Variants in TMEM63C observed in about 807,000 individuals in gnomAD.
TMEM63C encodes the protein transmembrane protein 63C.
Under a neutral mutation model 99.2 loss-of-function variants are expected in TMEM63C, and 32 were observed. That is an observed-to-expected ratio of 0.32 (90% CI 0.24 to 0.43). The LOEUF (loss-of-function observed/expected upper bound fraction) is 0.43, where lower values mean the gene tolerates loss of function less well. Among genes scored for constraint, TMEM63C ranks in the 20% least tolerant of loss-of-function variants. The pLI, the probability that TMEM63C is intolerant of heterozygous loss-of-function variation, is 1.00. For synonymous variants in TMEM63C, 376 were observed against 397.9 expected, an observed-to-expected ratio of 0.94 and a Z score of 0.66; for missense variants, 826 against 1,053.0, an observed-to-expected ratio of 0.78 and a Z score of 2.98.
chr14:77,254,775 T>TTA (rs1889432498), intron 23 of TMEM63C, among the ~76,000 whole-genome samples: 2 of 152,148 alleles, frequency 1.3e-5, no homozygotes, highest in Non-Finnish European at 1.5e-5. Context: ...CTTGCCTTAT[T>TTA]ACCACAGGGC....
At chr14:77,222,197 A>G (rs1888735409) in intron 5 of TMEM63C, among the ~76,000 whole-genome samples, 1 of 152,286 alleles carries the variant, frequency 6.6e-6, no homozygotes, top group African/African-American at 2.4e-5. Flanking sequence ...AAAACATTTC[A>G]TGATATCCCA....
At chr14:77,214,203 G>A (rs148689432) in intron 2 of TMEM63C, among the ~76,000 whole-genome samples, 91 of 152,226 alleles carry the variant, frequency 6.0e-4, no homozygotes, top group Middle Eastern at 6.8e-3. Context: ...TCTACAAGAT[G>A]AACACATCCT....
At chr14:77,222,468 C>T (rs76068320) in intron 5 of TMEM63C, among the ~76,000 whole-genome samples, 7,399 of 152,290 alleles carry the variant, frequency 0.049, 277 homozygotes, top group Admixed American at 0.087. Context: ...CCATTTTCCA[C>T]CTGCATCCAG....
chr14:77,199,486 A>G (rs1291891908), intron 1 of TMEM63C, among the ~76,000 whole-genome samples: 1 of 152,058 alleles, frequency 6.6e-6, no homozygotes, highest in Non-Finnish European at 1.5e-5. Context: ...CCATTTCCAG[A>G]ACAGTCCACT....
intron 1 of TMEM63C, among the ~76,000 whole-genome samples, chr14:77,194,525 C>CTT (rs1481725535): frequency 2.2e-4 from 9 of 41,128 alleles, no homozygotes; most frequent in African/African-American, 1.1e-3. Context: ...TTCTTTCTTT[C>CTT]TTTCTTTCTT....
chr14:77,248,968 G>A lies in TMEM63C; in HGVS notation c.1870+96G>A. 3 of 1,220,192 alleles carry A rather than the reference G, an allele frequency of 2.5e-6. No individual in the cohort carries two copies. In the South Asian group the frequency reaches 3.6e-5, roughly 15 times the overall value. The allele number at this position is 1,220,192 out of a possible 1,614,324, so 75.6% of individuals were successfully genotyped here. A position where few individuals can be genotyped will look rare whatever the true frequency, so the allele number is the denominator to read the frequency against. ...CATCAGTCCACCTCCTGGAGCATGG[G>A]GAGACCTGTGGTAGGGAGGGGTCAG... On this transcript the variant is annotated intron_variant, in intron 20 of 23. Coordinates refer to ENST00000298351, the MANE Select transcript of TMEM63C (RefSeq NM_020431.4).
chr14:77,224,897 G>A (rs436430), intron 5 of TMEM63C, among the ~76,000 whole-genome samples: 75,555 of 151,522 alleles, frequency 0.5, 19,312 homozygotes, highest in East Asian at 0.76. Flanking sequence ...CAAACTCCTG[G>A]GCTCAAGTGA....
chr14:77,235,936 G>A (rs1484682698), intron 8 of TMEM63C, among the ~76,000 whole-genome samples: 3 of 6,902 alleles, frequency 4.3e-4, no homozygotes, highest in Admixed American at 3.2e-3. Context: ...ATGGGTGGGG[G>A]AGGTGTCCAG....
At chr14:77,239,550 G>T in intron 11 of TMEM63C, 53 bp from the exon 12 acceptor site, 1 of 1,612,018 alleles carries the variant, frequency 6.2e-7, no homozygotes, top group East Asian at 2.2e-5. Flanking sequence ...GGAGGATGGG[G>T]CTCTGCTGGC....
At chr14:77,187,830 C>T (rs908904949) in intron 1 of TMEM63C, among the ~76,000 whole-genome samples, 1 of 152,232 alleles carries the variant, frequency 6.6e-6, no homozygotes, top group Non-Finnish European at 1.5e-5. Context: ...TTGAACCCAG[C>T]TCTGACCCAG....
At chr14:77,205,761 T>C (rs1566618982) in intron 1 of TMEM63C, among the ~76,000 whole-genome samples, 1 of 152,000 alleles carries the variant, frequency 6.6e-6, no homozygotes, top group Non-Finnish European at 1.5e-5. Context: ...CAAGAGGGCC[T>C]CCCCTGGTCC....
intron 5 of TMEM63C, among the ~76,000 whole-genome samples, chr14:77,222,766 C>T (rs984566116): frequency 6.6e-4 from 100 of 152,342 alleles, no homozygotes; most frequent in African/African-American, 2.3e-3. Context: ...CTTAAGCACA[C>T]TTCCCCAGGG....
intron 1 of TMEM63C, among the ~76,000 whole-genome samples, chr14:77,204,257 TA>T (rs1263389413): frequency 6.7e-6 from 1 of 149,458 alleles, no homozygotes; most frequent in African/African-American, 2.4e-5. Context: ...ATTTTTTTTT[TA>T]AATCAAAACA....
At chr14:77,229,582 G>C (rs1416604070) in intron 6 of TMEM63C, among the ~76,000 whole-genome samples, 1 of 137,568 alleles carries the variant, frequency 7.3e-6, no homozygotes, top group Non-Finnish European at 1.6e-5. Flanking sequence ...AGAGTAGCTG[G>C]GACTACAGGC....
Position 77,239,701 on chromosome 14 carries a change from G to T in TMEM63C, c.905G>T (p.Cys302Phe). ...CACCCCTGTGCCCGCCTGTGCTTCT[G>T]CAAGTGCTGGACCTGCTTCAAGGAG... ...RIHPCARLCF[C>F]KCWTCFKEVD... Residue 302 changes from cysteine (C) to phenylalanine (F), a missense_variant, in exon 12 of 24, where the codon TGC (cysteine) becomes TTC (phenylalanine). Coordinates refer to ENST00000298351, the MANE Select transcript of TMEM63C (RefSeq NM_020431.4). 1 of 1,613,176 alleles carries T rather than the reference G, an allele frequency of 6.2e-7. No individual in the cohort carries two copies. Among genetic ancestry groups the T allele is most frequent in the Non-Finnish European group, 8.5e-7 (1 of 1,179,692 alleles).
intron 1 of TMEM63C, chr14:77,200,976 TG>T: frequency 7.7e-6 from 1 of 129,438 alleles, no homozygotes; most frequent in Admixed American, 9.3e-5. Context: ...TAGTGCTGTT[TG>T]TCTTTTTTTT....
chr14:77,192,851 A>G (rs1283223824), intron 1 of TMEM63C, among the ~76,000 whole-genome samples: 1 of 151,958 alleles, frequency 6.6e-6, no homozygotes, highest in Non-Finnish European at 1.5e-5. Flanking sequence ...GAGGAGGAGG[A>G]GGAAGGAGAA....
intron 15 of TMEM63C, among the ~76,000 whole-genome samples, chr14:77,243,925 CTGA>C (rs1889225254): frequency 6.6e-6 from 1 of 152,158 alleles, no homozygotes; most frequent in African/African-American, 2.4e-5. Context: ...ACTTCTGCTG[CTGA>C]TTTTTGTTCC....
intron 9 of TMEM63C, 64 bp from the exon 10 acceptor site, chr14:77,238,630 T>G: frequency 7.4e-7 from 1 of 1,350,116 alleles, no homozygotes; most frequent in South Asian, 1.2e-5. Context: ...ACCAAAAGAC[T>G]GAGGTGTCTG....
Sources: gnomAD v4.1 joint callset for allele counts (sites outside exome capture counted in the v4.1 genomes callset) on GRCh38, gnomAD v4.1.1 for gene constraint, MANE v1.5 for transcripts, NCBI Gene and HGNC (gene_info 2026-07-23, HGNC 2026-07-21) for gene names.